The following ELF2 variants were observed in gnomAD, a reference collection of about 807,000 sequenced individuals.
The protein encoded by ELF2 is E74 like ETS transcription factor 2.
ELF2 carries 11 observed loss-of-function variants against 54.8 expected under a neutral mutation model. That is an observed-to-expected ratio of 0.20 (90% CI 0.13 to 0.33). ELF2 has a LOEUF of 0.33. ELF2 is among the 10% of genes least tolerant of loss of function. ELF2 has a pLI of 1.00. For missense variants in ELF2, 513 were observed against 703.0 expected, an observed-to-expected ratio of 0.73 and a Z score of 3.06; for synonymous variants, 203 against 245.1, an observed-to-expected ratio of 0.83 and a Z score of 1.61.
In ELF2 at chr4:139,123,170, G is replaced by A. The variant is rs529001184; in HGVS notation, c.238+1994C>T. Among the ~76,000 whole-genome samples, 17 of 147,854 alleles carry A rather than the reference G, an allele frequency of 1.1e-4. 1 individual carries two copies. Among genetic ancestry groups the A allele is most frequent in the African/African-American group, 3.0e-4 (12 of 40,016 alleles). On this transcript the variant is annotated intron_variant, in intron 4 of 9. Transcript: ENST00000686138. ...CTGCACTTCAGCCTGGCGACAGAGCGAGACTCTGTCTCAAAAAAAAAAAAA... is the reference window on the plus strand; with the variant it reads ...CTGCACTTCAGCCTGGCGACAGAGCAAGACTCTGTCTCAAAAAAAAAAAAA...
rs373556615 is a variant in ELF2 at position 139,083,265 on chromosome 4, A to C, written c.239-9698T>G. Among the ~76,000 whole-genome samples the C allele has an allele frequency of 1.4e-4, 21 of 152,212 alleles. 1 individual carries two copies. In the South Asian group the frequency reaches 3.1e-3, roughly 23 times the overall value. On this transcript the variant is annotated intron_variant, in intron 4 of 9. Transcript: ENST00000686138. ...TCCCTCCCTCCCGCCTCGCTCCTTAACATTCACCCACTGTTTACAAAAATA... is the reference window on the plus strand; with the variant it reads ...TCCCTCCCTCCCGCCTCGCTCCTTACCATTCACCCACTGTTTACAAAAATA...
Position 139,059,322 on chromosome 4 carries a change from T to G in ELF2, c.1443A>C (p.Ser481=). 1 of 1,613,992 alleles carries G rather than the reference T, an allele frequency of 6.2e-7. No individual in the cohort carries two copies. Among genetic ancestry groups the G allele is most frequent in the Non-Finnish European group, 8.5e-7 (1 of 1,179,858 alleles). ...GGGTTCCAACAATGTTAATGCTTCC[T>G]GATCCAGTCAGATTTGACTTTGTCT... ...QLQTKSNLTG[S]GSINIVGTPL... The change falls in exon 10 of 10, where the codon TCA becomes TCC. Residue 481 remains serine (S), a synonymous_variant. Coordinates refer to ENST00000686138, the MANE Select transcript of ELF2 (RefSeq NM_001331036.3).
Position 139,104,455 on chromosome 4 carries a change from G to A in ELF2, c.238+20709C>T, listed in dbSNP as rs1483305303. 8.9e-5 allele frequency among the ~76,000 whole-genome samples: 13 copies of A among 146,572 alleles called. 1 individual carries two copies. The stretch of plus-strand genomic sequence containing the variant: ...AGCCCGAAAGGCGAGGTTGCCGTGA[G>A]CTGAGATCGTGCCACTGCACCCCAG... On this transcript the variant is annotated intron_variant, in intron 4 of 9. Transcript: ENST00000686138.
chr4:139,081,750 T>A (rs1472541572), intron 4 of ELF2, among the ~76,000 whole-genome samples: 1 of 152,194 alleles, frequency 6.6e-6, no homozygotes, highest in African/African-American at 2.4e-5. Context: ...TGGGCCATCT[T>A]TCCTCCCTAA....
At chr4:139,085,549 A>G (rs775944660) in intron 4 of ELF2, among the ~76,000 whole-genome samples, 2 of 152,228 alleles carry the variant, frequency 1.3e-5, no homozygotes, top group Non-Finnish European at 2.9e-5. Flanking sequence ...GAATGGATTT[A>G]CATAGCCCAT....
chr4:139,092,414 T>TAACATACATAACATAACATA (rs70940488), intron 4 of ELF2, among the ~76,000 whole-genome samples: 4 of 87,754 alleles, frequency 4.6e-5, no homozygotes, highest in African/African-American at 1.7e-4. Flanking sequence ...TAACATAACA[T>TAACATACATAACATAACATA]ACATAACATA....
chr4:139,074,425 G>A (rs1192226032), intron 4 of ELF2, among the ~76,000 whole-genome samples: 4 of 152,056 alleles, frequency 2.6e-5, no homozygotes, highest in East Asian at 1.9e-4. Flanking sequence ...TAAGCCCTCC[G>A]TGTCCAAGGG....
At chr4:139,099,551 C>T (rs546817881) in intron 4 of ELF2, among the ~76,000 whole-genome samples, 4 of 152,314 alleles carry the variant, frequency 2.6e-5, no homozygotes, top group Admixed American at 6.5e-5. Flanking sequence ...AAAGCAGTCA[C>T]AGAAGTACAC....
intron 4 of ELF2, among the ~76,000 whole-genome samples, chr4:139,112,795 A>G (rs1289306250): frequency 6.6e-6 from 1 of 152,172 alleles, no homozygotes; most frequent in Non-Finnish European, 1.5e-5. Context: ...GTTTCTTTAA[A>G]AAGTCTCTCT....
chr4:139,087,657 G>T (rs1732126965), intron 4 of ELF2, among the ~76,000 whole-genome samples: 1 of 152,064 alleles, frequency 6.6e-6, no homozygotes, highest in South Asian at 2.1e-4. Context: ...AGTAGAGATG[G>T]GGTTTGACCG....
chr4:139,084,478 C>T (rs1056007623), intron 4 of ELF2: 56 of 1,034,742 alleles, frequency 5.4e-5, no homozygotes, highest in Non-Finnish European at 6.5e-5. Flanking sequence ...CTGTGGCGGC[C>T]GCCGCAGCTG....
At chr4:139,087,812 G>A (rs1732146156) in intron 4 of ELF2, among the ~76,000 whole-genome samples, 1 of 152,118 alleles carries the variant, frequency 6.6e-6, no homozygotes, top group Non-Finnish European at 1.5e-5. Context: ...AAATGTACAT[G>A]AGTTAGAATA....
rs75744770 is a variant in ELF2 at position 139,089,255 on chromosome 4, T to G, written c.239-15688A>C. 1.1e-4 allele frequency among the ~76,000 whole-genome samples: 17 copies of G among 152,328 alleles called. No homozygotes were observed. In the East Asian group the frequency reaches 3.3e-3, roughly 29 times the overall value. On this transcript the variant is annotated intron_variant, in intron 4 of 9. Transcript: ENST00000686138. Reference sequence around the variant, plus strand: ...AACCATCATCTTACCAGGTTAGAAATCTTAGTCATCTATGTTCCTAGTTTA... The same window carrying G: ...AACCATCATCTTACCAGGTTAGAAAGCTTAGTCATCTATGTTCCTAGTTTA...
chr4:139,138,015 G>T, intron 2 of ELF2, 148 bp from the exon 3 acceptor site: 1 of 519,756 alleles, frequency 1.9e-6, no homozygotes, highest in South Asian at 5.8e-5. Flanking sequence ...GGGCAGTAAT[G>T]AACATTCTGC....
At chr4:139,080,500 A>C (rs1412380431) in intron 4 of ELF2, among the ~76,000 whole-genome samples, 1 of 152,174 alleles carries the variant, frequency 6.6e-6, no homozygotes, top group Non-Finnish European at 1.5e-5. Flanking sequence ...GTTTTCTGTC[A>C]GTGAAAATAT....
intron 1 of ELF2, among the ~76,000 whole-genome samples, chr4:139,160,000 G>A (rs1018925656): frequency 1.3e-5 from 2 of 152,182 alleles, no homozygotes; most frequent in Non-Finnish European, 1.5e-5. Flanking sequence ...GTAGTGGAGG[G>A]GGGCGGAGCG....
intron 1 of ELF2, among the ~76,000 whole-genome samples, chr4:139,162,154 G>C (rs539183807): frequency 3.3e-5 from 5 of 152,138 alleles, no homozygotes; most frequent in Non-Finnish European, 7.3e-5. Context: ...AGCTGAGATC[G>C]TGCCATTGCA....
At chr4:139,069,387 A>G (rs570397910) in intron 6 of ELF2, among the ~76,000 whole-genome samples, 2 of 152,328 alleles carry the variant, frequency 1.3e-5, no homozygotes, top group African/African-American at 4.8e-5. Context: ...CAGAAAGTTC[A>G]CTGGTCTCTG....
intron 4 of ELF2, among the ~76,000 whole-genome samples, chr4:139,096,456 G>A (rs1030661535): frequency 1.3e-5 from 2 of 151,914 alleles, no homozygotes; most frequent in Admixed American, 1.3e-4. Context: ...TTCTTCTTGA[G>A]TCACTTATAA....
Sources: allele counts gnomAD v4.1 joint callset (sites outside exome capture counted in the v4.1 genomes callset), GRCh38; gene constraint gnomAD v4.1.1; transcripts MANE v1.5; gene names NCBI Gene and HGNC (gene_info 2026-07-23, HGNC 2026-07-21).